The following BTBD9 variants were observed in gnomAD, a reference collection of about 807,000 sequenced individuals.
The protein encoded by BTBD9 is BTB/POZ domain-containing protein 9.
BTBD9 carries 49 observed loss-of-function variants against 64.3 expected under a neutral mutation model. That is an observed-to-expected ratio of 0.76 (90% CI 0.61 to 0.97). The LOEUF is 0.97. Among genes scored for constraint, BTBD9 ranks in the 50% least tolerant of loss-of-function variants. The pLI is 0.00. For missense variants in BTBD9, 598 were observed against 762.1 expected (o/e 0.78, Z 2.53); for synonymous variants, 260 against 274.7 (o/e 0.95, Z 0.53).
chr6:38,447,187 T>TG (rs1769313070), intron 6 of BTBD9, among the ~76,000 whole-genome samples: 1 of 152,192 alleles, frequency 6.6e-6, no homozygotes, highest in Non-Finnish European at 1.5e-5. Flanking sequence ...AAGAAAATGT[T>TG]GCAGCAGAGT....
intron 6 of BTBD9, among the ~76,000 whole-genome samples, chr6:38,442,612 C>T (rs930433036): frequency 6.6e-6 from 1 of 150,988 alleles, no homozygotes; most frequent in African/African-American, 2.4e-5. Context: ...GATGTCCCTC[C>T]TGTGAAGAAG....
At chr6:38,639,572 T>C (rs773382721) in intron 1 of BTBD9, among the ~76,000 whole-genome samples, 2 of 152,146 alleles carry the variant, frequency 1.3e-5, no homozygotes, top group African/African-American at 2.4e-5. Context: ...CCGAAACGTC[T>C]ACTTCCCACT....
At chr6:38,597,453 C>A (rs1417606647) in intron 2 of BTBD9, among the ~76,000 whole-genome samples, 2 of 152,138 alleles carry the variant, frequency 1.3e-5, no homozygotes, top group Non-Finnish European at 2.9e-5. Flanking sequence ...ACCCAAGTAA[C>A]CAACAACAGC....
chr6:38,630,069 A>G (rs928167085), intron 1 of BTBD9, among the ~76,000 whole-genome samples: 2 of 150,274 alleles, frequency 1.3e-5, no homozygotes, highest in Admixed American at 6.6e-5. Context: ...TTAGCCAGGC[A>G]TGGTGGTGCA....
chr6:38,193,328 C>T (rs1762161022), intron 9 of BTBD9, among the ~76,000 whole-genome samples: 1 of 152,152 alleles, frequency 6.6e-6, no homozygotes, highest in Admixed American at 6.5e-5. Flanking sequence ...CCTGCACCAC[C>T]CTCTGACCCC....
At chr6:38,241,928 A>G (rs757070743) in intron 9 of BTBD9, among the ~76,000 whole-genome samples, 5 of 152,214 alleles carry the variant, frequency 3.3e-5, no homozygotes, top group Non-Finnish European at 7.3e-5. Flanking sequence ...ATACTCTACA[A>G]CCTGAATAAT....
chr6:38,480,694 T>C (rs2127379947), intron 6 of BTBD9, among the ~76,000 whole-genome samples: 1 of 152,332 alleles, frequency 6.6e-6, no homozygotes, highest in African/African-American at 2.4e-5. Flanking sequence ...AAGTGTACTC[T>C]GAGAACCATC....
chr6:38,334,082 T>TA (rs1190048038), intron 7 of BTBD9, among the ~76,000 whole-genome samples: 1 of 152,224 alleles, frequency 6.6e-6, no homozygotes, highest in African/African-American at 2.4e-5. Context: ...TGCTATGCTT[T>TA]AACAAAGAGA....
intron 6 of BTBD9, among the ~76,000 whole-genome samples, chr6:38,414,024 T>C (rs186410076): frequency 6.6e-6 from 1 of 152,314 alleles, no homozygotes; most frequent in East Asian, 1.9e-4. Context: ...GCTGTTATTG[T>C]AGCTATTATG....
intron 6 of BTBD9, among the ~76,000 whole-genome samples, chr6:38,555,099 T>C (rs1774958164): frequency 6.6e-6 from 1 of 152,238 alleles, no homozygotes; most frequent in African/African-American, 2.4e-5. Context: ...ATGAGTGACC[T>C]GCAGTCCTTT....
intron 6 of BTBD9, among the ~76,000 whole-genome samples, chr6:38,563,950 T>C (rs558289287): frequency 3.0e-4 from 46 of 151,302 alleles, no homozygotes; most frequent in Non-Finnish European, 6.2e-4. Context: ...CCTGGCTAAC[T>C]TTTTTGTATT....
At chr6:38,482,758 T>G (rs1399728240) in intron 6 of BTBD9, among the ~76,000 whole-genome samples, 1 of 152,012 alleles carries the variant, frequency 6.6e-6, no homozygotes, top group Non-Finnish European at 1.5e-5. Flanking sequence ...GAAAAGAATA[T>G]ATATAGCACA....
At chr6:38,390,734 A>G (rs899003608) in intron 6 of BTBD9, among the ~76,000 whole-genome samples, 1 of 152,222 alleles carries the variant, frequency 6.6e-6, no homozygotes, top group African/African-American at 2.4e-5. Context: ...CTCTCATTAC[A>G]AAGAGGTAGA....
At chr6:38,251,529 T>C (rs900065036) in intron 9 of BTBD9, among the ~76,000 whole-genome samples, 5 of 152,136 alleles carry the variant, frequency 3.3e-5, no homozygotes, top group African/African-American at 1.2e-4. Context: ...CCTCCCAAAG[T>C]GCTGGGATTA....
rs545855926 is a variant in BTBD9, at chr6:38,190,732, G to A, written c.1641+1787C>T. ...AGAGAGGTCTCACACTCCAACTTCC[G>A]AGCTCTGTAATGGGAAATCATTCTT... On this transcript the variant is annotated intron_variant, in intron 10 of 10. Coordinates refer to ENST00000481247, the MANE Select transcript of BTBD9 (RefSeq NM_001099272.2). Among the ~76,000 whole-genome samples, 4 of 152,172 alleles carry A rather than the reference G, an allele frequency of 2.6e-5. No individual in the cohort carries two copies. The South Asian group carries it at 6.2e-4, about 24-fold the overall frequency.
At chr6:38,370,398 TTATGA>T (rs1490851325) in intron 6 of BTBD9, among the ~76,000 whole-genome samples, 2 of 152,220 alleles carry the variant, frequency 1.3e-5, no homozygotes, top group African/African-American at 4.8e-5. Flanking sequence ...GCTTTAAGGC[TTATGA>T]ATTAAATGAG....
intron 6 of BTBD9, among the ~76,000 whole-genome samples, chr6:38,524,652 AGAAACT>A (rs55812761): frequency 0.73 from 110,702 of 151,088 alleles, 40,819 homozygotes; most frequent in East Asian, 0.96. Context: ...CTATCCATTT[AGAAACT>A]GAAACTGGTT....
intron 4 of BTBD9, among the ~76,000 whole-genome samples, chr6:38,591,773 T>C (rs1297822764): frequency 6.6e-6 from 1 of 152,204 alleles, no homozygotes; most frequent in African/African-American, 2.4e-5. Flanking sequence ...TAAGTGTTAA[T>C]TGCTATAAAT....
At chr6:38,360,819 A>G (rs1764923364) in intron 6 of BTBD9, among the ~76,000 whole-genome samples, 1 of 118,878 alleles carries the variant, frequency 8.4e-6, no homozygotes, top group Middle Eastern at 3.8e-3. Context: ...AGGATGGAAC[A>G]ACAAGATAAC....
Sources: allele counts gnomAD v4.1 joint callset (sites outside exome capture counted in the v4.1 genomes callset), GRCh38; gene constraint gnomAD v4.1.1; transcripts MANE v1.5; gene names NCBI Gene and HGNC (gene_info 2026-07-23, HGNC 2026-07-21).